Variants in ZNF354C observed in about 807,000 individuals in gnomAD.
ZNF354C encodes KRAB-zinc finger protein synten.
A neutral mutation model predicts 12.4 loss-of-function variants in ZNF354C; 7 were observed. The observed-to-expected ratio is 0.56, with a 90% CI of 0.32 to 1.06. The LOEUF (loss-of-function observed/expected upper bound fraction) is 1.06, where lower values mean the gene tolerates loss of function less well. ZNF354C is among the 50% of genes least tolerant of loss of function. The pLI, the probability that ZNF354C is intolerant of heterozygous loss-of-function variation, is 0.04. For synonymous variants in ZNF354C, 202 were observed against 224.5 expected (o/e 0.90, Z 0.90); for missense variants, 609 against 658.0 (o/e 0.93, Z 0.81).
intron 2 of ZNF354C, among the ~76,000 whole-genome samples, chr5:179,068,137 C>T (rs1353061443): frequency 6.7e-6 from 1 of 148,402 alleles, no homozygotes; most frequent in Non-Finnish European, 1.5e-5. Flanking sequence ...TGCACTCCAG[C>T]CTAGGCAACA....
At chr5:179,069,820 T>G (rs556154881) in intron 2 of ZNF354C, among the ~76,000 whole-genome samples, 7 of 150,274 alleles carry the variant, frequency 4.7e-5, no homozygotes, top group Non-Finnish European at 8.9e-5. Context: ...GAGCCGAGAT[T>G]GCGCCCCTGC....
rs548189427 is a variant in ZNF354C at position 179,083,811 on chromosome 5, C to T, written c.*3714C>T. 7.2e-5 allele frequency among the ~76,000 whole-genome samples: 11 copies of T among 152,262 alleles called. No homozygotes were observed. The East Asian group carries it at 9.6e-4, about 13-fold the overall frequency. The stretch of plus-strand genomic sequence containing the variant: ...AGAATTTGAAACAAGATCATTGTGG[C>T]GCTCCTGGGCATTCCTGTGGTGAGG... On this transcript the variant is annotated 3_prime_UTR_variant, in exon 5 of 5. Transcript: ENST00000315475.
chr5:179,074,076 C>T lies in ZNF354C; in HGVS notation c.28-2369C>T, dbSNP rs529414992. 1.8e-3 allele frequency among the ~76,000 whole-genome samples: 275 copies of T among 151,582 alleles called. 1 individual carries two copies. The highest frequency in any genetic ancestry group is 6.3e-3 in the African/African-American group (261 of 41,302). On this transcript the variant is annotated intron_variant, in intron 2 of 4. Coordinates refer to ENST00000315475, the MANE Select transcript of ZNF354C (RefSeq NM_014594.3). ...TTGGGTCACTGCAACCTCTACCTCCCGGTTCAAGTGATTCTCCTGCCTCAG... is the reference window on the plus strand; with the variant it reads ...TTGGGTCACTGCAACCTCTACCTCCTGGTTCAAGTGATTCTCCTGCCTCAG...
At chr5:179,073,182 C>T (rs1009342959) in intron 2 of ZNF354C, among the ~76,000 whole-genome samples, 4 of 152,066 alleles carry the variant, frequency 2.6e-5, no homozygotes, top group Non-Finnish European at 2.9e-5. Flanking sequence ...AATTCTATAT[C>T]CAATGAAAAT....
At chr5:179,066,310 A>G (rs929287019) in intron 2 of ZNF354C, among the ~76,000 whole-genome samples, 5 of 152,236 alleles carry the variant, frequency 3.3e-5, no homozygotes, top group Admixed American at 3.3e-4. Context: ...TCCTTACGGC[A>G]TTGCTGCCAT....
Position 179,082,286 on chromosome 5 carries a change from G to A in ZNF354C, c.*2189G>A, listed in dbSNP as rs746019527. The A allele has an allele frequency of 2.6e-4, 43 of 167,466 alleles. No individual in the cohort carries two copies. The highest frequency in any genetic ancestry group is 2.6e-4 in the Non-Finnish European group (20 of 78,306). The allele number at this position is 167,466 out of a possible 1,614,324, so 10.4% of individuals were successfully genotyped here. ...CATTATGTGGCTCTTGATGGGATGC[G>A]GTATGAAGCATGTGTGATCATCCTT... On this transcript the variant is annotated 3_prime_UTR_variant, in exon 5 of 5. Transcript: ENST00000315475.
chr5:179,075,470 A>C (rs1203917498), intron 2 of ZNF354C, among the ~76,000 whole-genome samples: 1 of 152,156 alleles, frequency 6.6e-6, no homozygotes, highest in East Asian at 1.9e-4. Context: ...GAATTTAAGA[A>C]AATTCAAAGC....
intron 2 of ZNF354C, among the ~76,000 whole-genome samples, chr5:179,068,635 T>C (rs1014934390): frequency 6.6e-6 from 1 of 152,104 alleles, no homozygotes; most frequent in Admixed American, 6.5e-5. Flanking sequence ...TTTTTTTTTT[T>C]TTTTCCTGGA....
At position 179,078,805 on chromosome 5, in the gene ZNF354C, G is replaced by C; in HGVS notation, c.373G>C (p.Glu125Gln). 1 of 1,614,088 alleles carries C rather than the reference G, an allele frequency of 6.2e-7. No homozygotes were observed. The highest frequency in any genetic ancestry group is 8.5e-7 in the Non-Finnish European group (1 of 1,179,996). The change falls in exon 5 of 5, where the codon GAA (glutamate) becomes CAA (glutamine). Residue 125 changes from glutamate to glutamine, a missense_variant. Glu to Gln is a conservative substitution (Grantham distance 29, BLOSUM62 2). Transcript: ENST00000315475. Reference protein sequence around the residue: ...IKDGHWDINFEEAVEFESEIE... With the variant: ...IKDGHWDINFQEAVEFESEIE... Reference sequence around the variant, plus strand: ...GGATGGTCACTGGGACATTAACTTTGAAGAAGCTGTGGAATTTGAGAGCGA... The same window carrying C: ...GGATGGTCACTGGGACATTAACTTTCAAGAAGCTGTGGAATTTGAGAGCGA...
chr5:179,064,041 A>G (rs1761928346), intron 2 of ZNF354C, among the ~76,000 whole-genome samples: 1 of 152,216 alleles, frequency 6.6e-6, no homozygotes, highest in African/African-American at 2.4e-5. Context: ...TCCAGCTATT[A>G]CCTGGGCTAT....
intron 2 of ZNF354C, among the ~76,000 whole-genome samples, chr5:179,064,143 G>C (rs1292727547): frequency 6.6e-6 from 1 of 152,214 alleles, no homozygotes; most frequent in African/African-American, 2.4e-5. Flanking sequence ...GGCAGAGGTA[G>C]GTTTGTTTGC....
chr5:179,074,167 G>C (rs185710947), intron 2 of ZNF354C, among the ~76,000 whole-genome samples: 2 of 151,968 alleles, frequency 1.3e-5, no homozygotes, highest in African/African-American at 4.8e-5. Flanking sequence ...ATTTTTAGTA[G>C]AGATGGGGTT....
chr5:179,060,385 G>T lies in ZNF354C; in HGVS notation c.-336G>T, dbSNP rs1182916325. ...TGCCGGGAGTGGTAGTTCTCCCGCGGTTGGCGGGGTTTCGGGGACAGCTCG... is the reference window on the plus strand; with the variant it reads ...TGCCGGGAGTGGTAGTTCTCCCGCGTTTGGCGGGGTTTCGGGGACAGCTCG... On this transcript the variant is annotated 5_prime_UTR_variant, in exon 1 of 5. Coordinates refer to ENST00000315475, the MANE Select transcript of ZNF354C (RefSeq NM_014594.3). This position sits in a 1 kb window ranked among gnomAD's most constrained non-coding sequence, Gnocchi z 4.2. The T allele has an allele frequency of 6.6e-6, 1 of 152,518 alleles. No homozygotes were observed. The highest frequency in any genetic ancestry group is 2.4e-5 in the African/African-American group (1 of 41,600). The allele number at this position is 152,518 out of a possible 1,614,324, so 9.4% of individuals were successfully genotyped here.
Position 179,082,573 on chromosome 5 carries a change from C to T in ZNF354C, c.*2476C>T, listed in dbSNP as rs1050115658. The T allele has an allele frequency of 4.6e-6, 4 of 877,458 alleles. No homozygotes were observed. Among genetic ancestry groups the T allele is most frequent in the Admixed American group, 3.5e-5 (2 of 57,768 alleles). 54.4% of individuals were successfully genotyped at this position (877,458 alleles called of 1,614,324 possible). A position where few individuals can be genotyped will look rare whatever the true frequency, so the allele number is the denominator to read the frequency against. ...TAATAGCTCAAAAGAACTAAGTATT[C>T]CAGATTTCGGGAGGGATGAAGAGGG... On this transcript the variant is annotated 3_prime_UTR_variant, in exon 5 of 5. Transcript: ENST00000315475.
chr5:179,080,107 C>A lies in ZNF354C; in HGVS notation c.*10C>A. The A allele has an allele frequency of 2.6e-6, 4 of 1,520,116 alleles. No homozygotes were observed. Among genetic ancestry groups the A allele is most frequent in the South Asian group, 2.6e-5 (2 of 76,354 alleles). The allele number at this position is 1,520,116 out of a possible 1,614,324, so 94.2% of individuals were successfully genotyped here. ...AGCCTATGAGGTTTAGTTCATCTCT[C>A]AAATAATCCAAGACTTCTCACTGGG... is the stretch of plus-strand genomic sequence containing the variant. On this transcript the variant is annotated 3_prime_UTR_variant, in exon 5 of 5. Transcript: ENST00000315475.
At chr5:179,068,956 C>T (rs899200773) in intron 2 of ZNF354C, among the ~76,000 whole-genome samples, 2 of 152,212 alleles carry the variant, frequency 1.3e-5, no homozygotes, top group African/African-American at 4.8e-5. Context: ...CTGATCTCCC[C>T]TTCTTAGAAG....
At position 179,080,247 on chromosome 5, in the gene ZNF354C, ATGAAGAG is replaced by A; in HGVS notation, c.*151_*157del. On this transcript the variant is annotated 3_prime_UTR_variant, in exon 5 of 5. Transcript: ENST00000315475. Reference sequence around the variant, plus strand: ...CATGATAAAATTGATCAGTGAGACTATGAAGAGCACTGACTTGTTAAATTTTAAAAGA... The same window carrying A: ...CATGATAAAATTGATCAGTGAGACTACACTGACTTGTTAAATTTTAAAAGA... The A allele has an allele frequency of 1.9e-6, 1 of 535,614 alleles. No homozygotes were observed. 33.2% of individuals were successfully genotyped at this position (535,614 alleles called of 1,614,324 possible).
At chr5:179,077,211 C>A in intron 4 of ZNF354C, 45 bp downstream of exon 4, 1 of 1,489,858 alleles carries the variant, frequency 6.7e-7, no homozygotes, top group Non-Finnish European at 9.4e-7. Context: ...TCTTTATAGA[C>A]AAGTAGGTCA....
At chr5:179,075,750 T>G (rs1762109798) in intron 2 of ZNF354C, among the ~76,000 whole-genome samples, 1 of 152,200 alleles carries the variant, frequency 6.6e-6, no homozygotes, top group Non-Finnish European at 1.5e-5. Context: ...CAAATTCCAG[T>G]GTCATAGAGA....
Sources: allele counts gnomAD v4.1 joint callset (sites outside exome capture counted in the v4.1 genomes callset), GRCh38; gene constraint gnomAD v4.1.1; non-coding constraint Gnocchi (gnomAD v3.1); transcripts MANE v1.5; gene names NCBI Gene and HGNC (gene_info 2026-07-23, HGNC 2026-07-21).